The following COG5 variants were observed in gnomAD, a reference collection of about 807,000 sequenced individuals.
COG5 encodes component of oligomeric golgi complex 5.
In COG5, 86 loss-of-function variants were observed where a neutral mutation model predicts 110.4. The ratio of observed to expected loss-of-function variants is 0.78; its 90% CI spans 0.65 to 0.93. COG5 has a LOEUF of 0.93. Among genes scored for constraint, COG5 ranks in the 40% least tolerant of loss-of-function variants. COG5 has a pLI of 0.00. For missense variants in COG5, 1,077 were observed against 987.0 expected (o/e 1.09, Z -1.22); for synonymous variants, 360 against 334.6 (o/e 1.08, Z -0.83).
intron 7 of COG5, among the ~76,000 whole-genome samples, chr7:107,403,923 C>T (rs948263122): frequency 6.6e-6 from 1 of 150,468 alleles, no homozygotes; most frequent in East Asian, 1.9e-4. Flanking sequence ...ATTATTATTA[C>T]TATTTTTATG....
At chr7:107,301,218 G>A (rs2116934102) in intron 11 of COG5, among the ~76,000 whole-genome samples, 1 of 152,206 alleles carries the variant, frequency 6.6e-6, no homozygotes, top group Middle Eastern at 3.4e-3. Flanking sequence ...GACATGATAT[G>A]AAACCAAGAG....
chr7:107,447,773 A>G (rs1162273283), intron 6 of COG5, among the ~76,000 whole-genome samples: 1 of 152,222 alleles, frequency 6.6e-6, no homozygotes, highest in African/African-American at 2.4e-5. Context: ...TTCTTTTAAA[A>G]TCTAAAGTTC....
At chr7:107,205,453 C>T (rs546744599) in intron 21 of COG5, among the ~76,000 whole-genome samples, 20 of 152,294 alleles carry the variant, frequency 1.3e-4, no homozygotes, top group Admixed American at 6.5e-4. Context: ...ATGTGCAAAG[C>T]ATATTTGCCC....
At chr7:107,501,333 T>A (rs910047019) in intron 6 of COG5, among the ~76,000 whole-genome samples, 1 of 152,096 alleles carries the variant, frequency 6.6e-6, no homozygotes, top group African/African-American at 2.4e-5. Flanking sequence ...AAAACTTTGA[T>A]ACATTACTAG....
At chr7:107,287,062 A>G (rs1805702021) in intron 12 of COG5, among the ~76,000 whole-genome samples, 2 of 152,222 alleles carry the variant, frequency 1.3e-5, no homozygotes. Context: ...GGCCTCTGGT[A>G]TGTTTGGAAA....
chr7:107,251,683 G>A (rs1053456609), intron 16 of COG5, among the ~76,000 whole-genome samples: 1 of 152,062 alleles, frequency 6.6e-6, no homozygotes, highest in African/African-American at 2.4e-5. Context: ...GAAGATACAA[G>A]TATAACACAG....
chr7:107,507,977 C>G (rs573471925), intron 6 of COG5, among the ~76,000 whole-genome samples: 29 of 152,330 alleles, frequency 1.9e-4, no homozygotes, highest in Admixed American at 5.2e-4. Context: ...GTGATTTCTG[C>G]ATTTCCATCT....
At chr7:107,406,818 T>C (rs1791879919) in intron 7 of COG5, among the ~76,000 whole-genome samples, 1 of 152,126 alleles carries the variant, frequency 6.6e-6, no homozygotes, top group Non-Finnish European at 1.5e-5. Flanking sequence ...TAAAGATATA[T>C]ACAAATGTAT....
chr7:107,542,530 C>A (rs547420672), intron 5 of COG5, among the ~76,000 whole-genome samples: 59 of 152,252 alleles, frequency 3.9e-4, no homozygotes, highest in Non-Finnish European at 7.2e-4. Flanking sequence ...ATAACTTACA[C>A]AAAGGGGTAT....
At chr7:107,473,477 A>G (rs1227172494) in intron 6 of COG5, among the ~76,000 whole-genome samples, 1 of 151,988 alleles carries the variant, frequency 6.6e-6, no homozygotes, top group Non-Finnish European at 1.5e-5. Context: ...ATCACCAAGC[A>G]CATTGTTGAC....
chr7:107,374,534 C>T (rs962677786), intron 7 of COG5, among the ~76,000 whole-genome samples: 2 of 151,962 alleles, frequency 1.3e-5, no homozygotes, highest in African/African-American at 2.4e-5. Flanking sequence ...AACTAAAAAA[C>T]ACTTAAATTT....
At position 107,412,362 on chromosome 7, in the gene COG5, T is replaced by C. The variant is rs568035005; in HGVS notation, c.669+140A>G. On this transcript the variant is annotated intron_variant, in intron 7 of 21. Transcript: ENST00000297135. ...TAAAATTTCCCTTAACGATGACCCATTCTTTGATTTAAATTGTAGACATAC... is the reference window on the plus strand; with the variant it reads ...TAAAATTTCCCTTAACGATGACCCACTCTTTGATTTAAATTGTAGACATAC... 23 of 726,108 alleles carry C rather than the reference T, an allele frequency of 3.2e-5. No homozygotes were observed. The South Asian group carries it at 3.5e-4, about 11-fold the overall frequency. 45.0% of individuals were successfully genotyped at this position (726,108 alleles called of 1,614,324 possible). A position where few individuals can be genotyped will look rare whatever the true frequency, so the allele number is the denominator to read the frequency against.
intron 6 of COG5, among the ~76,000 whole-genome samples, chr7:107,467,517 A>G (rs1056884212): frequency 3.3e-5 from 5 of 152,098 alleles, no homozygotes; most frequent in African/African-American, 1.2e-4. Context: ...CACCATGCCT[A>G]ATTTTTGTAT....
chr7:107,225,244 T>A (rs1584540940), intron 19 of COG5, among the ~76,000 whole-genome samples: 1 of 152,228 alleles, frequency 6.6e-6, no homozygotes, highest in Non-Finnish European at 1.5e-5. Context: ...TGCCTGTTTT[T>A]CTTGTCAACT....
At chr7:107,516,581 CAGG>C (rs1182690051) in intron 6 of COG5, among the ~76,000 whole-genome samples, 1 of 152,232 alleles carries the variant, frequency 6.6e-6, no homozygotes, top group East Asian at 1.9e-4. Flanking sequence ...GACCTCCCAA[CAGG>C]AGTTGACAGA....
intron 7 of COG5, among the ~76,000 whole-genome samples, chr7:107,402,359 G>A (rs1156233506): frequency 1.4e-4 from 22 of 152,154 alleles, no homozygotes; most frequent in Admixed American, 1.4e-3. Context: ...CCTCTTTCCT[G>A]ATGACCTCTA....
chr7:107,375,009 T>C (rs183758126), intron 7 of COG5, among the ~76,000 whole-genome samples: 2 of 152,140 alleles, frequency 1.3e-5, no homozygotes, highest in African/African-American at 2.4e-5. Context: ...ATCAGCACCT[T>C]TGAATCTTGT....
chr7:107,235,287 C>T (rs1241099174), intron 18 of COG5, among the ~76,000 whole-genome samples: 1 of 152,206 alleles, frequency 6.6e-6, no homozygotes, highest in African/African-American at 2.4e-5. Flanking sequence ...CGGATACACA[C>T]AAGAATAAAT....
At chr7:107,208,117 C>T (rs1798906638) in intron 21 of COG5, 2 of 985,310 alleles carry the variant, frequency 2.0e-6, no homozygotes, top group Non-Finnish European at 2.4e-6. Context: ...TTCTCTAGGA[C>T]AAAAGTCCCC....
Sources: allele counts gnomAD v4.1 joint callset (sites outside exome capture counted in the v4.1 genomes callset), GRCh38; gene constraint gnomAD v4.1.1; transcripts MANE v1.5; gene names NCBI Gene and HGNC (gene_info 2026-07-23, HGNC 2026-07-21).